RBMS3: variants seen among roughly 807,000 people sequenced by gnomAD.
The protein encoded by RBMS3 is RNA-binding motif, single-stranded-interacting protein 3.
In RBMS3, 27 loss-of-function variants were observed where a neutral mutation model predicts 66.8. The observed-to-expected ratio is 0.40, with a 90% CI of 0.30 to 0.56. RBMS3 has a LOEUF of 0.56. Among genes scored for constraint, RBMS3 ranks in the 20% least tolerant of loss-of-function variants. The probability of loss-of-function intolerance (pLI) is 0.40; values close to 1 mark genes in which losing one functional copy is unlikely to be tolerated. For missense variants in RBMS3, 513 were observed against 549.5 expected, an observed-to-expected ratio of 0.93 and a Z score of 0.66; for synonymous variants, 188 against 183.0, an observed-to-expected ratio of 1.03 and a Z score of -0.22.
chr3:29,443,112 A>C (rs1411500766), intron 2 of RBMS3, among the ~76,000 whole-genome samples: 1 of 152,090 alleles, frequency 6.6e-6, no homozygotes, highest in Non-Finnish European at 1.5e-5. Flanking sequence ...TTGTCCAAAG[A>C]GGGTTATTCT....
intron 6 of RBMS3, among the ~76,000 whole-genome samples, chr3:29,834,053 G>GA (rs1271164935): frequency 6.6e-6 from 1 of 151,950 alleles, no homozygotes; most frequent in African/African-American, 2.4e-5. Context: ...CAAAGTGCTG[G>GA]AAAAAAATTA....
intron 3 of RBMS3, among the ~76,000 whole-genome samples, chr3:29,554,111 C>T (rs139163749): frequency 1.5e-3 from 231 of 152,290 alleles, no homozygotes; most frequent in Middle Eastern, 3.4e-3. Context: ...CTAATTACCA[C>T]GTTCTCCTTC....
intron 1 of RBMS3, among the ~76,000 whole-genome samples, chr3:29,321,790 A>C (rs2035022505): frequency 6.6e-6 from 1 of 152,062 alleles, no homozygotes; most frequent in African/African-American, 2.4e-5. Flanking sequence ...AGCTGGCTGG[A>C]GATATTCAGC....
At chr3:29,452,308 C>A (rs113433227) in intron 2 of RBMS3, among the ~76,000 whole-genome samples, 5 of 152,242 alleles carry the variant, frequency 3.3e-5, no homozygotes, top group African/African-American at 1.2e-4. Flanking sequence ...TACAGTCTTG[C>A]CATCTGGATC....
chr3:29,652,997 C>A (rs1310756481), intron 4 of RBMS3, among the ~76,000 whole-genome samples: 1 of 152,028 alleles, frequency 6.6e-6, no homozygotes, highest in Admixed American at 6.6e-5. Flanking sequence ...AAATCAACTT[C>A]TATAGTCAAA....
intron 3 of RBMS3, among the ~76,000 whole-genome samples, chr3:29,499,902 G>T (rs375852595): frequency 6.6e-6 from 1 of 152,102 alleles, no homozygotes; most frequent in Non-Finnish European, 1.5e-5. Flanking sequence ...TGGGCCTTGG[G>T]CTTAAGGGTA....
intron 1 of RBMS3, among the ~76,000 whole-genome samples, chr3:29,329,853 A>G (rs1003177426): frequency 6.1e-5 from 9 of 147,974 alleles, no homozygotes; most frequent in African/African-American, 2.2e-4. Context: ...AAATTTTAAT[A>G]TATATTAACT....
chr3:29,334,406 G>C (rs1310348762), intron 1 of RBMS3, among the ~76,000 whole-genome samples: 1 of 152,010 alleles, frequency 6.6e-6, no homozygotes, highest in Non-Finnish European at 1.5e-5. Flanking sequence ...GCATTATTTA[G>C]TAGCTAATTT....
At chr3:29,433,551 A>G (rs2041287882) in intron 1 of RBMS3, among the ~76,000 whole-genome samples, 1 of 152,156 alleles carries the variant, frequency 6.6e-6, no homozygotes. Flanking sequence ...AACTTTTTGA[A>G]AAAATCTTCT....
intron 4 of RBMS3, among the ~76,000 whole-genome samples, chr3:29,635,205 A>G (rs559201084): frequency 2.6e-5 from 4 of 151,724 alleles, no homozygotes; most frequent in Non-Finnish European, 4.4e-5. Context: ...TCTTTCTCTC[A>G]TTCCAGTCTT....
At chr3:29,816,923 C>A (rs138101761) in intron 6 of RBMS3, among the ~76,000 whole-genome samples, 2 of 151,920 alleles carry the variant, frequency 1.3e-5, no homozygotes. Context: ...TACCCCGTCT[C>A]TACTAAAGAT....
intron 4 of RBMS3, among the ~76,000 whole-genome samples, chr3:29,596,473 A>G (rs74425074): frequency 3.4e-4 from 52 of 152,334 alleles, no homozygotes; most frequent in African/African-American, 1.2e-3. Context: ...CATCAGCCTT[A>G]ATGCTGGTGA....
At chr3:29,594,488 G>A (rs2047874317) in intron 4 of RBMS3, among the ~76,000 whole-genome samples, 1 of 152,088 alleles carries the variant, frequency 6.6e-6, no homozygotes, top group Admixed American at 6.6e-5. Context: ...AATGACTGAT[G>A]CAATGTAATG....
chr3:29,716,012 A>G (rs1448073683), intron 4 of RBMS3, among the ~76,000 whole-genome samples: 1 of 152,122 alleles, frequency 6.6e-6, no homozygotes, highest in African/African-American at 2.4e-5. Flanking sequence ...AATTTCAATG[A>G]CTCAAAGAGA....
At chr3:29,458,236 G>A (rs970686721) in intron 2 of RBMS3, among the ~76,000 whole-genome samples, 1 of 152,110 alleles carries the variant, frequency 6.6e-6, no homozygotes, top group Non-Finnish European at 1.5e-5. Flanking sequence ...ACAGTGACTG[G>A]CAAATGGGCT....
intron 4 of RBMS3, among the ~76,000 whole-genome samples, chr3:29,595,206 G>A (rs1490348154): frequency 6.6e-6 from 1 of 151,982 alleles, no homozygotes; most frequent in Non-Finnish European, 1.5e-5. Flanking sequence ...AGACCAGCCT[G>A]GCCAACATAG....
chr3:29,684,240 A>C (rs2051619026), intron 4 of RBMS3, among the ~76,000 whole-genome samples: 1 of 152,178 alleles, frequency 6.6e-6, no homozygotes, highest in Admixed American at 6.5e-5. Flanking sequence ...AAATAAACAC[A>C]GTCCCTACTT....
At chr3:29,612,081 C>T (rs1361352697) in intron 4 of RBMS3, among the ~76,000 whole-genome samples, 2 of 151,932 alleles carry the variant, frequency 1.3e-5, no homozygotes, top group Non-Finnish European at 2.9e-5. Flanking sequence ...ATATCTATGT[C>T]ATAGGGTTGC....
At chr3:29,449,371 C>A (rs372980114) in intron 2 of RBMS3, among the ~76,000 whole-genome samples, 3 of 152,132 alleles carry the variant, frequency 2.0e-5, no homozygotes, top group Non-Finnish European at 2.9e-5. Flanking sequence ...AGACAAGTCA[C>A]GATAAAATAT....
Sources: allele counts gnomAD v4.1 joint callset (sites outside exome capture counted in the v4.1 genomes callset), GRCh38; gene constraint gnomAD v4.1.1; transcripts MANE v1.5; gene names NCBI Gene and HGNC (gene_info 2026-07-23, HGNC 2026-07-21).